REL: variants seen among roughly 807,000 people sequenced by gnomAD.
The protein encoded by REL is REL proto-oncogene, NF-kB subunit.
Under a neutral mutation model 45.9 loss-of-function variants are expected in REL, and 15 were observed. The observed-to-expected ratio is 0.33, with a 90% CI of 0.22 to 0.50. The LOEUF (loss-of-function observed/expected upper bound fraction) is 0.50. REL is among the 20% of genes least tolerant of loss of function. The pLI, the probability that REL is intolerant of heterozygous loss-of-function variation, is 0.98. For synonymous variants in REL, 239 were observed against 242.1 expected, an observed-to-expected ratio of 0.99 and a Z score of 0.12; for missense variants, 601 against 715.2, an observed-to-expected ratio of 0.84 and a Z score of 1.82.
rs1461462802 is a variant in REL, at chr2:60,922,695, G to C, written c.*160G>C. 4 of 1,286,364 alleles carry C rather than the reference G, an allele frequency of 3.1e-6. No individual in the cohort carries two copies. The highest frequency in any genetic ancestry group is 2.0e-6 in the Non-Finnish European group (2 of 1,018,954). 79.7% of individuals were successfully genotyped at this position (1,286,364 alleles called of 1,614,324 possible). A position where few individuals can be genotyped will look rare whatever the true frequency, so the allele number is the denominator to read the frequency against. Reference sequence around the variant, plus strand: ...GAGAATATAAAAAACTTTTTTCAGGGAAGAAGCATACAACTTTGGACATAG... The same window carrying C: ...GAGAATATAAAAAACTTTTTTCAGGCAAGAAGCATACAACTTTGGACATAG... On this transcript the variant is annotated 3_prime_UTR_variant, in exon 10 of 10. Coordinates refer to ENST00000394479, the MANE Select transcript of REL (RefSeq NM_001291746.2).
intron 2 of REL, among the ~76,000 whole-genome samples, chr2:60,893,539 A>G (rs1320370796): frequency 1.3e-5 from 2 of 152,214 alleles, no homozygotes; most frequent in Non-Finnish European, 2.9e-5. Context: ...CCATTCCAGT[A>G]GGTCCTAAAC....
rs200357067 is a variant in REL, at chr2:60,891,798, C to A, written c.126C>A (p.Asp42Glu). The change falls in exon 2 of 10, where the codon GAC (aspartate) becomes GAA (glutamate). Residue 42 changes from aspartate to glutamate, a missense_variant. Physicochemically the swap from Asp to Glu is conservative, Grantham distance 45. Coordinates refer to ENST00000394479, the MANE Select transcript of REL (RefSeq NM_001291746.2). ...GCATTCCAGGGGAGCACAGCACAGA[C>A]AACAACCGAACATACCCTTCTATCC... Reference protein sequence around the residue: ...AGSIPGEHSTDNNRTYPSIQI... With the variant: ...AGSIPGEHSTENNRTYPSIQI... The A allele has an allele frequency of 6.2e-7, 1 of 1,613,742 alleles. No individual in the cohort carries two copies. The highest frequency in any genetic ancestry group is 8.5e-7 in the Non-Finnish European group (1 of 1,179,898).
intron 1 of REL, among the ~76,000 whole-genome samples, chr2:60,887,244 AAC>A (rs891375291): frequency 3.9e-5 from 6 of 152,182 alleles, no homozygotes; most frequent in African/African-American, 9.6e-5. Flanking sequence ...AAAAATCATA[AAC>A]ACAGATAAAT....
chr2:60,903,193 CTTTA>C (rs1325331557), intron 4 of REL, among the ~76,000 whole-genome samples: 5 of 151,984 alleles, frequency 3.3e-5, no homozygotes, highest in African/African-American at 9.7e-5. Context: ...ATGCACACTA[CTTTA>C]TTTAATCGTT....
chr2:60,890,090 T>C (rs897657315), intron 1 of REL, among the ~76,000 whole-genome samples: 4 of 152,306 alleles, frequency 2.6e-5, no homozygotes, highest in East Asian at 3.9e-4. Context: ...TCCTATTTCT[T>C]CACATCCTCT....
At chr2:60,917,530 GT>G (rs758484837) in intron 5 of REL, among the ~76,000 whole-genome samples, 46 of 128,740 alleles carry the variant, frequency 3.6e-4, no homozygotes, top group East Asian at 6.5e-4. Flanking sequence ...TTTTTTATTG[GT>G]TTTTTTTTTT....
At chr2:60,911,158 T>C (rs1031338381) in intron 4 of REL, 1 of 152,200 alleles carries the variant, frequency 6.6e-6, no homozygotes, top group Non-Finnish European at 1.5e-5. Flanking sequence ...GCAGTGAGCA[T>C]TGTAGCCAGT....
chr2:60,902,424 C>T (rs1165894219), intron 4 of REL, among the ~76,000 whole-genome samples: 1 of 151,798 alleles, frequency 6.6e-6, no homozygotes, highest in Admixed American at 6.6e-5. Flanking sequence ...TATATGTAGA[C>T]ATATATATTT....
At chr2:60,917,708 G>A (rs1558817018) in intron 5 of REL, among the ~76,000 whole-genome samples, 1 of 150,048 alleles carries the variant, frequency 6.7e-6, no homozygotes, top group Non-Finnish European at 1.5e-5. Context: ...GTGTGTGTGT[G>A]TGTGTGTACG....
At position 60,903,634 on chromosome 2, in the gene REL, AG is replaced by A. The variant is rs1383280065; in HGVS notation, c.394+2552del. Reference sequence around the variant, plus strand: ...CTGCAACCCTCACCTCCTGGGTTCAAGCGATTCTCGTGCCTCAGCCTCTCGA... The same window carrying A: ...CTGCAACCCTCACCTCCTGGGTTCAACGATTCTCGTGCCTCAGCCTCTCGA... On this transcript the variant is annotated intron_variant, in intron 4 of 9. Transcript: ENST00000394479. Among the ~76,000 whole-genome samples the A allele has an allele frequency of 2.0e-5, 3 of 152,128 alleles. No individual in the cohort carries two copies. In the East Asian group the frequency reaches 5.8e-4, roughly 29 times the overall value.
chr2:60,918,743 T>G, intron 7 of REL, 137 bp downstream of exon 7: 1 of 670,618 alleles, frequency 1.5e-6, no homozygotes, highest in South Asian at 2.0e-5. Context: ...TTCTGTTGGT[T>G]TTTTCTTTAT....
chr2:60,921,993 T>G lies in REL; in HGVS notation c.1222T>G (p.Ser408Ala). The G allele has an allele frequency of 6.2e-7, 1 of 1,614,192 alleles. No homozygotes were observed. Among genetic ancestry groups the G allele is most frequent in the South Asian group, 1.1e-5 (1 of 91,088 alleles). The part of the protein sequence containing the change: ...SFSTRTLPSN[S>A]QGIPPFLRIP... ...TTCAACAAGGACACTTCCTTCTAATTCGCAAGGTATCCCACCATTCCTGAG... is the reference window on the plus strand; with the variant it reads ...TTCAACAAGGACACTTCCTTCTAATGCGCAAGGTATCCCACCATTCCTGAG... The change falls in exon 10 of 10, where the codon TCG becomes GCG. Residue 408 changes from serine to alanine, a missense_variant. Around this residue, in one of 4 missense-constraint regions of REL, gnomAD observed 334 missense variants for 333.1 expected, o/e 1.00. Coordinates refer to ENST00000394479, the MANE Select transcript of REL (RefSeq NM_001291746.2).
At chr2:60,906,911 A>ATT (rs1285004419) in intron 4 of REL, among the ~76,000 whole-genome samples, 1,417 of 108,938 alleles carry the variant, frequency 0.013, 13 homozygotes, top group Middle Eastern at 0.025. Flanking sequence ...ATATATATAT[A>ATT]TATTTTTTTT....
chr2:60,900,945 T>C (rs1192732523), intron 3 of REL, 47 bp from the exon 4 acceptor site: 2 of 1,497,548 alleles, frequency 1.3e-6, no homozygotes, highest in African/African-American at 1.4e-5. Context: ...TTTGCAATAT[T>C]CCTTGTGTTT....
rs1332208156 is a variant in REL, at chr2:60,929,214, C to A, written c.*6679C>A. 1 of 149,798 alleles carries A rather than the reference C, an allele frequency of 6.7e-6. No individual in the cohort carries two copies. The highest frequency in any genetic ancestry group is 1.5e-5 in the Non-Finnish European group (1 of 67,318). 9.3% of individuals were successfully genotyped at this position (149,798 alleles called of 1,614,324 possible). A position where few individuals can be genotyped will look rare whatever the true frequency, so the allele number is the denominator to read the frequency against. Reference sequence around the variant, plus strand: ...GTGGAGAAATAGGAACACTTTTACACTGTTGGTGGGACTGTAAACTAGTTC... The same window carrying A: ...GTGGAGAAATAGGAACACTTTTACAATGTTGGTGGGACTGTAAACTAGTTC... On this transcript the variant is annotated 3_prime_UTR_variant, in exon 10 of 10. Coordinates refer to ENST00000394479, the MANE Select transcript of REL (RefSeq NM_001291746.2).
At chr2:60,917,063 G>C in intron 5 of REL, 46 bp downstream of exon 5, 1 of 1,497,758 alleles carries the variant, frequency 6.7e-7, no homozygotes, top group Non-Finnish European at 9.1e-7. Context: ...CTTGTTTTTT[G>C]TAATAGTTTA....
At chr2:60,920,180 TTTA>T in intron 8 of REL, 71 bp downstream of exon 8, 3 of 1,193,242 alleles carry the variant, frequency 2.5e-6, no homozygotes, top group Non-Finnish European at 3.6e-6. Context: ...TTTTTCAAAT[TTTA>T]TTATTTTTGT....
At chr2:60,908,005 T>A (rs1673709762) in intron 4 of REL, among the ~76,000 whole-genome samples, 1 of 152,062 alleles carries the variant, frequency 6.6e-6, no homozygotes, top group Non-Finnish European at 1.5e-5. Context: ...TTTGTACTTT[T>A]CTACCAAAAA....
At position 60,925,554 on chromosome 2, in the gene REL, TA is replaced by T. The variant is rs1674248386; in HGVS notation, c.*3022del. On this transcript the variant is annotated 3_prime_UTR_variant, in exon 10 of 10. Transcript: ENST00000394479. ...AAAGTAATTTTTTTACTTAAAAATA[TA>T]AATTAAAATAAATTTTTAAAATCAT... 5.5e-6 allele frequency: 1 copy of T among 180,276 alleles called. No individual in the cohort carries two copies. Among genetic ancestry groups the T allele is most frequent in the Admixed American group, 6.3e-5 (1 of 15,902 alleles). 11.2% of individuals were successfully genotyped at this position (180,276 alleles called of 1,614,324 possible).
Sources: gnomAD v4.1 joint callset for allele counts (sites outside exome capture counted in the v4.1 genomes callset) on GRCh38, gnomAD v4.1.1 for gene constraint, gnomAD v4.1.1 regional missense constraint, MANE v1.5 for transcripts, NCBI Gene and HGNC (gene_info 2026-07-23, HGNC 2026-07-21) for gene names.